Variants in ENAH observed in about 807,000 individuals in gnomAD.
The protein encoded by ENAH is ENAH actin regulator, also known as protein enabled homolog.
Under a neutral mutation model 78.7 loss-of-function variants are expected in ENAH, and 23 were observed. The observed-to-expected ratio is 0.29, with a 90% CI of 0.21 to 0.41. ENAH has a LOEUF of 0.41. ENAH is among the 10% of genes least tolerant of loss of function. The pLI is 1.00. For missense variants in ENAH, 544 were observed against 691.0 expected, an observed-to-expected ratio of 0.79 and a Z score of 2.39; for synonymous variants, 226 against 241.0, an observed-to-expected ratio of 0.94 and a Z score of 0.58.
intron 11 of ENAH, among the ~76,000 whole-genome samples, chr1:225,503,014 T>C (rs1222423099): frequency 6.6e-6 from 1 of 152,248 alleles, no homozygotes; most frequent in Non-Finnish European, 1.5e-5. Flanking sequence ...ATGTTATGAA[T>C]ATATCCATAT....
intron 1 of ENAH, among the ~76,000 whole-genome samples, chr1:225,589,434 T>C (rs1056176304): frequency 6.6e-6 from 1 of 152,186 alleles, no homozygotes; most frequent in Non-Finnish European, 1.5e-5. Context: ...AAATAAATTA[T>C]AGTCAGCCCT....
intron 1 of ENAH, 31 bp from the exon 2 acceptor site, chr1:225,567,445 T>TA: frequency 6.3e-7 from 1 of 1,592,846 alleles, no homozygotes. Flanking sequence ...TATTCAAACT[T>TA]GCAATATTTA....
intron 1 of ENAH, among the ~76,000 whole-genome samples, chr1:225,628,555 T>C (rs1440614231): frequency 1.3e-5 from 2 of 152,086 alleles, no homozygotes; most frequent in East Asian, 3.8e-4. Context: ...GCAAAAAATG[T>C]ATCAAGTATA....
intron 11 of ENAH, among the ~76,000 whole-genome samples, chr1:225,503,117 A>T (rs2096293880): frequency 6.6e-6 from 1 of 152,174 alleles, no homozygotes; most frequent in African/African-American, 2.4e-5. Flanking sequence ...CATGCAATCC[A>T]TCACCACCAC....
At chr1:225,637,094 A>T (rs1660198158) in intron 1 of ENAH, among the ~76,000 whole-genome samples, 1 of 152,202 alleles carries the variant, frequency 6.6e-6, no homozygotes, top group African/African-American at 2.4e-5. Flanking sequence ...GGAGTATTGA[A>T]AGGCACTGCT....
At chr1:225,571,372 CA>C (rs79811266) in intron 1 of ENAH, among the ~76,000 whole-genome samples, 4 of 146,294 alleles carry the variant, frequency 2.7e-5, no homozygotes, top group Admixed American at 6.9e-5. Context: ...GACTCTGTCT[CA>C]AAAAAAAAGA....
At chr1:225,566,233 C>CT (rs2096734202) in intron 2 of ENAH, among the ~76,000 whole-genome samples, 1 of 151,916 alleles carries the variant, frequency 6.6e-6, no homozygotes, top group Non-Finnish European at 1.5e-5. Flanking sequence ...GGTGTAGCCC[C>CT]TCTAAGATTG....
Position 225,492,673 on chromosome 1 carries a change from T to C in ENAH, c.*5102A>G, listed in dbSNP as rs1001402847. 1 of 152,202 alleles carries C rather than the reference T, an allele frequency of 6.6e-6. No individual in the cohort carries two copies. Among genetic ancestry groups the C allele is most frequent in the African/African-American group, 2.4e-5 (1 of 41,444 alleles). The allele number at this position is 152,202 out of a possible 1,614,324, so 9.4% of individuals were successfully genotyped here. On this transcript the variant is annotated 3_prime_UTR_variant, in exon 14 of 14. Coordinates refer to ENST00000366843, the MANE Select transcript of ENAH (RefSeq NM_018212.6). The stretch of plus-strand genomic sequence containing the variant: ...CTGCAAATACTCAAGGCCTACTATG[T>C]GCTTTAAATGATACTAACACTTCCG...
chr1:225,627,163 G>A (rs76774666), intron 1 of ENAH, among the ~76,000 whole-genome samples: 5,675 of 152,178 alleles, frequency 0.037, 177 homozygotes, highest in South Asian at 0.05. Context: ...AGCCCCCTGC[G>A]TTATTTTTAT....
At chr1:225,593,411 G>GGT (rs2096887347) in intron 1 of ENAH, among the ~76,000 whole-genome samples, 1 of 123,768 alleles carries the variant, frequency 8.1e-6, no homozygotes, top group Non-Finnish European at 1.7e-5. Flanking sequence ...GGGGGGGGGG[G>GGT]GGGGGGTGGG....
At chr1:225,620,026 G>C (rs1275260510) in intron 1 of ENAH, among the ~76,000 whole-genome samples, 1 of 152,090 alleles carries the variant, frequency 6.6e-6, no homozygotes, top group East Asian at 1.9e-4. Context: ...CATACTTCAA[G>C]GATACGATGC....
chr1:225,515,219 G>T, intron 6 of ENAH: 1 of 289,568 alleles, frequency 3.5e-6, no homozygotes, highest in African/African-American at 2.3e-5. Context: ...TTGGAAGAGA[G>T]GTAAGCGTCC....
chr1:225,639,790 G>A (rs1283364091), intron 1 of ENAH, among the ~76,000 whole-genome samples: 1 of 151,582 alleles, frequency 6.6e-6, no homozygotes, highest in African/African-American at 2.4e-5. Flanking sequence ...GTCTCAATGT[G>A]AATCCTGGAA....
At chr1:225,615,240 TC>T (rs1272713420) in intron 1 of ENAH, among the ~76,000 whole-genome samples, 1 of 152,154 alleles carries the variant, frequency 6.6e-6, no homozygotes, top group Non-Finnish European at 1.5e-5. Flanking sequence ...AGACGGGGTT[TC>T]GCCGTGTTGG....
intron 1 of ENAH, among the ~76,000 whole-genome samples, chr1:225,622,712 C>T (rs1657213170): frequency 6.6e-6 from 1 of 151,926 alleles, no homozygotes; most frequent in Admixed American, 6.5e-5. Flanking sequence ...AGCCCCTACC[C>T]TCTTAATACC....
chr1:225,591,876 A>T (rs2096879017), intron 1 of ENAH, among the ~76,000 whole-genome samples: 1 of 151,940 alleles, frequency 6.6e-6, no homozygotes. Flanking sequence ...GCACCAGAGC[A>T]TGGGGATTAA....
At chr1:225,539,889 A>G (rs1225462408) in intron 3 of ENAH, among the ~76,000 whole-genome samples, 2 of 152,176 alleles carry the variant, frequency 1.3e-5, no homozygotes, top group Non-Finnish European at 2.9e-5. Flanking sequence ...CAGAGTTACT[A>G]TTAGCCCTCA....
intron 1 of ENAH, among the ~76,000 whole-genome samples, chr1:225,649,506 C>T (rs1379616889): frequency 1.3e-5 from 2 of 152,102 alleles, no homozygotes; most frequent in Admixed American, 6.5e-5. Context: ...CATACACGCA[C>T]ACTTTAATCA....
rs1389240925 is a variant in ENAH at position 225,495,843 on chromosome 1, T to G, written c.*1932A>C. 5 of 152,508 alleles carry G rather than the reference T, an allele frequency of 3.3e-5. No individual in the cohort carries two copies. Among genetic ancestry groups the G allele is most frequent in the Non-Finnish European group, 7.4e-5 (5 of 68,026 alleles). 9.4% of individuals were successfully genotyped at this position (152,508 alleles called of 1,614,324 possible). ...ATGAATATCTGATAGAAAAAAGAAA[T>G]GTATACTTGAATTATGATAGCTCAT... On this transcript the variant is annotated 3_prime_UTR_variant, in exon 14 of 14. Coordinates refer to ENST00000366843, the MANE Select transcript of ENAH (RefSeq NM_018212.6).
Sources: gnomAD v4.1 joint callset for allele counts (sites outside exome capture counted in the v4.1 genomes callset) on GRCh38, gnomAD v4.1.1 for gene constraint, MANE v1.5 for transcripts, NCBI Gene and HGNC (gene_info 2026-07-23, HGNC 2026-07-21) for gene names.